The following P3H1 variants were observed in gnomAD, a reference collection of about 807,000 sequenced individuals.
The protein encoded by P3H1 is prolyl 3-hydroxylase 1, also known as growth suppressor 1.
A neutral mutation model predicts 84.0 loss-of-function variants in P3H1; 69 were observed. The observed-to-expected ratio is 0.82, with a 90% CI of 0.68 to 1.00. The LOEUF is 1.00. Among genes scored for constraint, P3H1 ranks in the 50% least tolerant of loss-of-function variants. The pLI, the probability that P3H1 is intolerant of heterozygous loss-of-function variation, is 0.00. For missense variants in P3H1, 878 were observed against 962.8 expected, an observed-to-expected ratio of 0.91 and a Z score of 1.17; for synonymous variants, 366 against 388.8, an observed-to-expected ratio of 0.94 and a Z score of 0.69.
chr1:42,754,041 C>T lies in P3H1; in HGVS notation c.1345+828G>A, dbSNP rs1652251754. ...TAAACACAGACTGGTGGGCAGTGGG[C>T]GGGCTCACGGAACAAAGTGCAGTCC... On this transcript the variant is annotated intron_variant, in intron 8 of 14. Transcript: ENST00000296388. The surrounding 1 kb of genome is among the most constrained non-coding windows in gnomAD (Gnocchi z 4.0). 6.6e-6 allele frequency among the ~76,000 whole-genome samples: 1 copy of T among 152,000 alleles called. No individual in the cohort carries two copies. Among genetic ancestry groups the T allele is most frequent in the African/African-American group, 2.4e-5 (1 of 41,382 alleles).
rs1652573953 is a variant in P3H1, at chr1:42,759,295, G to A, written c.714C>T (p.Ala238=). The part of the protein sequence containing the change: ...LEAALQEYFV[A]YEECRALCEG... ...CGCAGAGGGCACGGCACTCCTCATAGGCCACAAAGTATTCTTGCAGCGCCG... is the reference window on the plus strand; with the variant it reads ...CGCAGAGGGCACGGCACTCCTCATAAGCCACAAAGTATTCTTGCAGCGCCG... Residue 238 remains alanine, a synonymous_variant, in exon 3 of 15, where the codon GCC becomes GCT. Transcript: ENST00000296388. 6 of 1,614,140 alleles carry A rather than the reference G, an allele frequency of 3.7e-6. No homozygotes were observed. Among genetic ancestry groups the A allele is most frequent in the Non-Finnish European group, 5.1e-6 (6 of 1,180,014 alleles).
At chr1:42,747,090 G>A (rs529631766) in intron 14 of P3H1, 182 bp downstream of exon 14, 2 of 1,614,230 alleles carry the variant, frequency 1.2e-6, no homozygotes, top group African/African-American at 2.7e-5. Context: ...GTTCACAGCA[G>A]GCCCAGGGAG....
At chr1:42,749,259 G>C (rs1651901889) in intron 11 of P3H1, among the ~76,000 whole-genome samples, 2 of 152,272 alleles carry the variant, frequency 1.3e-5, no homozygotes, top group South Asian at 4.1e-4. Flanking sequence ...GTCCCTTTGG[G>C]TGTGCCCAGA....
Position 42,746,802 on chromosome 1 carries a change from C to G in P3H1, c.2106G>C (p.Glu702Asp). 1.9e-6 allele frequency: 3 copies of G among 1,593,922 alleles called. No individual in the cohort carries two copies. Among genetic ancestry groups the G allele is most frequent in the Non-Finnish European group, 2.6e-6 (3 of 1,170,406 alleles). The change falls in exon 15 of 15, where the codon GAG (glutamate) becomes GAC (aspartate). Residue 702 changes from glutamate (E) to aspartate (D), a missense_variant. Glu to Asp is a conservative substitution (Grantham distance 45). Coordinates refer to ENST00000296388, the MANE Select transcript of P3H1 (RefSeq NM_022356.4). Reference protein sequence around the residue: ...DLVKMLFSPEEMDLSQEQPLD... With the variant: ...DLVKMLFSPEDMDLSQEQPLD... ...GGGGCTGCTCCTGGGAGAGGTCCAT[C>G]TCTTCTGGGCTGAAGAGCATCTTCA...
At chr1:42,748,158 G>A (rs905360097) in intron 12 of P3H1, 42 bp downstream of exon 12, 5 of 1,446,624 alleles carry the variant, frequency 3.5e-6, no homozygotes, top group African/African-American at 1.4e-5. Context: ...GGCCTCTGAG[G>A]AGGGCACAGA....
intron 1 of P3H1, among the ~76,000 whole-genome samples, chr1:42,764,314 C>T (rs182256616): frequency 3.3e-5 from 5 of 150,382 alleles, no homozygotes; most frequent in South Asian, 4.2e-4. Flanking sequence ...CCCAGCTACT[C>T]GGGAGGCTGA....
intron 9 of P3H1, 21 bp from the exon 10 acceptor site, chr1:42,752,390 G>C (rs749821941): frequency 6.2e-7 from 1 of 1,612,994 alleles, no homozygotes; most frequent in Non-Finnish European, 8.5e-7. Flanking sequence ...CAAAACACAA[G>C]GTGATGTTAG....
Position 42,748,774 on chromosome 1 carries a change from C to T in P3H1, c.1721-457G>A, listed in dbSNP as rs1651870166. 4 of 267,236 alleles carry T rather than the reference C, an allele frequency of 1.5e-5. No homozygotes were observed. The South Asian group carries it at 1.6e-4, about 11-fold the overall frequency. The allele number at this position is 267,236 out of a possible 1,614,324, so 16.6% of individuals were successfully genotyped here. A position where few individuals can be genotyped will look rare whatever the true frequency, so the allele number is the denominator to read the frequency against. On this transcript the variant is annotated intron_variant, in intron 11 of 14. Transcript: ENST00000296388. The stretch of plus-strand genomic sequence containing the variant: ...AGGGAAAGCATGAACTTCAGTGGGG[C>T]TCTGGGGTGGGGTGGGTGGAGAAAC...
In P3H1 at chr1:42,748,226, G is replaced by A. The variant is rs34809608; in HGVS notation, c.1812C>T (p.Pro604=). The A allele has an allele frequency of 2.8e-3, 4,479 of 1,613,822 alleles. 113 individuals are homozygous for A. The African/African-American group carries it at 0.052, about 19-fold the overall frequency. Residue 604 remains proline (P), a synonymous_variant, in exon 12 of 15, where the codon CCC becomes CCT. Transcript: ENST00000296388. ...NAETLVCVKE[P]PAYTFRDYSA... ...TGTAGTCGCGGAAGGTGTAGGCTGG[G>A]GGCTCTTTGACACACACGAGGGTCT... is the stretch of plus-strand genomic sequence containing the variant.
chr1:42,762,521 C>G (rs1253609804), intron 1 of P3H1, 46 bp from the exon 2 acceptor site: 1 of 1,605,776 alleles, frequency 6.2e-7, no homozygotes, highest in South Asian at 1.1e-5. Context: ...CATCCAATCT[C>G]TGAACGTTTG....
chr1:42,746,795 G>A lies in P3H1; in HGVS notation c.2113C>T (p.Leu705Phe). 6.3e-7 allele frequency: 1 copy of A among 1,585,184 alleles called. No homozygotes were observed. The highest frequency in any genetic ancestry group is 1.3e-5 in the African/African-American group (1 of 74,332). ...KMLFSPEEMD[L>F]SQEQPLDAQQ... ...GCATCCAGGGGCTGCTCCTGGGAGA[G>A]GTCCATCTCTTCTGGGCTGAAGAGC... The change falls in exon 15 of 15, where the codon CTC becomes TTC. Residue 705 changes from leucine (L) to phenylalanine (F), a missense_variant. Leu to Phe is a conservative substitution (Grantham distance 22, BLOSUM62 0). Transcript: ENST00000296388.
At chr1:42,752,854 C>T (rs1652193161) in intron 8 of P3H1, among the ~76,000 whole-genome samples, 190 bp from the exon 9 acceptor site, 1 of 152,164 alleles carries the variant, frequency 6.6e-6, no homozygotes, top group African/African-American at 2.4e-5. Context: ...AGATGAGATT[C>T]CCAGTCCCAG....
At chr1:42,762,538 C>T in intron 1 of P3H1, 63 bp from the exon 2 acceptor site, 2 of 1,567,614 alleles carry the variant, frequency 1.3e-6, no homozygotes, top group Non-Finnish European at 1.8e-6. Flanking sequence ...TTTGTGTCCA[C>T]ATGAGCAGTC....
intron 1 of P3H1, among the ~76,000 whole-genome samples, chr1:42,764,954 C>A (rs1291264210): frequency 6.6e-6 from 1 of 152,222 alleles, no homozygotes; most frequent in Non-Finnish European, 1.5e-5. Context: ...TCTCTAAGCA[C>A]TGAGGTACTT....
Position 42,757,709 on chromosome 1 carries a change from C to T in P3H1, c.1080+74G>A. 5 of 1,612,610 alleles carry T rather than the reference C, an allele frequency of 3.1e-6. No homozygotes were observed. In the African/African-American group the frequency reaches 4.0e-5, roughly 13 times the overall value. ...CCCTGCACGCACAGCGCCTACTCCC[C>T]TCTGCTACCCCACTCTTCCGCCCTC... On this transcript the variant is annotated intron_variant, in intron 5 of 14. Coordinates refer to ENST00000296388, the MANE Select transcript of P3H1 (RefSeq NM_022356.4).
chr1:42,756,716 T>G (rs1186525989), intron 5 of P3H1, among the ~76,000 whole-genome samples: 1 of 152,198 alleles, frequency 6.6e-6, no homozygotes, highest in African/African-American at 2.4e-5. Context: ...CCATCTTTAT[T>G]CATTCGATGC....
At chr1:42,747,923 A>C in intron 12 of P3H1, 125 bp from the exon 13 acceptor site, 2 of 915,856 alleles carry the variant, frequency 2.2e-6, no homozygotes. Context: ...ACCTTTAAGA[A>C]CCTATACTGA....
chr1:42,752,117 C>G (rs55942531), intron 10 of P3H1, among the ~76,000 whole-genome samples, 157 bp downstream of exon 10: 3 of 152,322 alleles, frequency 2.0e-5, no homozygotes, highest in East Asian at 1.9e-4. Flanking sequence ...GTGAACCTCA[C>G]GCAACATAAC....
intron 1 of P3H1, among the ~76,000 whole-genome samples, chr1:42,765,596 G>A (rs1198867937): frequency 2.0e-5 from 3 of 152,206 alleles, no homozygotes; most frequent in Non-Finnish European, 4.4e-5. Flanking sequence ...CGAGTAACTA[G>A]GAAAAATGAG....
Sources: gnomAD v4.1 joint callset for allele counts (sites outside exome capture counted in the v4.1 genomes callset) on GRCh38, gnomAD v4.1.1 for gene constraint, Gnocchi (gnomAD v3.1) non-coding constraint, MANE v1.5 for transcripts, NCBI Gene and HGNC (gene_info 2026-07-23, HGNC 2026-07-21) for gene names.